Variants in SHISA9 observed in about 807,000 individuals in gnomAD.
The protein encoded by SHISA9 is shisa family member 9.
A neutral mutation model predicts 38.0 loss-of-function variants in SHISA9; 13 were observed. The observed-to-expected ratio is 0.34, with a 90% confidence interval of 0.22 to 0.54. The LOEUF is 0.54. Ranked by LOEUF, SHISA9 falls within the 20% of genes least tolerant of loss-of-function variation. The pLI is 0.91. For synonymous variants in SHISA9, 275 were observed against 242.0 expected, an observed-to-expected ratio of 1.14 and a Z score of -1.27; for missense variants, 538 against 575.8, an observed-to-expected ratio of 0.93 and a Z score of 0.67.
intron 2 of SHISA9, among the ~76,000 whole-genome samples, chr16:13,039,485 G>GTTTTT (rs5815735): frequency 3.9e-5 from 5 of 126,822 alleles, no homozygotes; most frequent in Non-Finnish European, 8.4e-5. Flanking sequence ...ATGTCATGGG[G>GTTTTT]TTTTTTTTTT....
At chr16:13,207,687 TGA>T (rs781495714) in intron 3 of SHISA9, among the ~76,000 whole-genome samples, 2 of 152,176 alleles carry the variant, frequency 1.3e-5, no homozygotes, top group African/African-American at 4.8e-5. Context: ...AGGAGCAGAC[TGA>T]GGGATTGCTT....
intron 2 of SHISA9, among the ~76,000 whole-genome samples, chr16:13,135,981 G>A (rs923350032): frequency 6.6e-6 from 1 of 152,164 alleles, no homozygotes; most frequent in Non-Finnish European, 1.5e-5. Flanking sequence ...TGAGAGTTCT[G>A]GGCCAGGAAT....
intron 2 of SHISA9, among the ~76,000 whole-genome samples, chr16:13,153,415 C>G (rs892507822): frequency 1.3e-5 from 2 of 152,176 alleles, no homozygotes; most frequent in African/African-American, 4.8e-5. Context: ...GTTCCAAGGC[C>G]TAGCTCAGAG....
the SHISA9 span, among the ~76,000 whole-genome samples, chr16:13,327,082 A>G: frequency 6.6e-6 from 1 of 152,124 alleles, no homozygotes; most frequent in Non-Finnish European, 1.5e-5. Context: ...GTGTTTACCA[A>G]TTTTTAAAAG....
chr16:13,109,924 T>C (rs1008549966), intron 2 of SHISA9, among the ~76,000 whole-genome samples: 11 of 152,230 alleles, frequency 7.2e-5, no homozygotes, highest in African/African-American at 2.7e-4. Context: ...GGAGCTCTTT[T>C]TAATGCTGAG....
Position 13,235,251 on chromosome 16 carries a change from C to A in SHISA9, c.1117C>A (p.Pro373Thr). 6.4e-7 allele frequency: 1 copy of A among 1,551,750 alleles called. No homozygotes were observed. Among genetic ancestry groups the A allele is most frequent in the African/African-American group, 1.4e-5 (1 of 73,138 alleles). The change falls in exon 5 of 5, where the codon CCC (proline) becomes ACC (threonine). Residue 373 changes from proline (P) to threonine (T), a missense_variant. By Grantham distance (38) the Pro-to-Thr change is conservative (BLOSUM62 -1). Coordinates refer to ENST00000558583, the MANE Select transcript of SHISA9 (RefSeq NM_001145204.3). ...TACCACCAACTTTAAGGGCTGGGAC[C>A]CCAACGAGCAGTCCCTCCGGCGGCA... is the stretch of plus-strand genomic sequence containing the variant. ...TSTTNFKGWD[P>T]NEQSLRRQAY...
At chr16:13,208,603 C>T (rs544535285) in intron 3 of SHISA9, among the ~76,000 whole-genome samples, 7 of 152,058 alleles carry the variant, frequency 4.6e-5, no homozygotes, top group Non-Finnish European at 1.0e-4. Flanking sequence ...CATGTAACTG[C>T]AGAATGGTTT....
the SHISA9 span, among the ~76,000 whole-genome samples, chr16:13,264,789 C>A: frequency 2.6e-4 from 39 of 152,030 alleles, no homozygotes; most frequent in African/African-American, 9.4e-4. Flanking sequence ...AGAATTCACC[C>A]CAATATAAGA....
chr16:13,520,385 G>A, the SHISA9 span, among the ~76,000 whole-genome samples: 1 of 151,898 alleles, frequency 6.6e-6, no homozygotes, highest in Non-Finnish European at 1.5e-5. Context: ...AGATCACGAG[G>A]TTGAGAGATC....
chr16:13,202,331 C>A (rs993195130), intron 2 of SHISA9, among the ~76,000 whole-genome samples: 3 of 131,548 alleles, frequency 2.3e-5, no homozygotes, highest in African/African-American at 9.1e-5. Flanking sequence ...TCCCTCATAT[C>A]TTCCACCTTC....
At chr16:13,370,573 T>C in the SHISA9 span, among the ~76,000 whole-genome samples, 1,207 of 152,316 alleles carry the variant, frequency 7.9e-3, 8 homozygotes, top group Non-Finnish European at 0.013. Context: ...ACAAAACAGT[T>C]TATAATTATC....
chr16:13,252,010 C>T, the SHISA9 span, among the ~76,000 whole-genome samples: 1 of 152,330 alleles, frequency 6.6e-6, no homozygotes, highest in Non-Finnish European at 1.5e-5. Context: ...AATTCTGCAA[C>T]AATGCATAGT....
At chr16:13,143,514 A>G (rs971891754) in intron 2 of SHISA9, among the ~76,000 whole-genome samples, 2 of 152,152 alleles carry the variant, frequency 1.3e-5, no homozygotes, top group South Asian at 4.1e-4. Context: ...CCCTATGGGA[A>G]GCTGTACTGT....
chr16:13,435,225 AT>A, the SHISA9 span, among the ~76,000 whole-genome samples: 1 of 140,668 alleles, frequency 7.1e-6, no homozygotes, highest in East Asian at 2.1e-4. Flanking sequence ...CATTCTTAGA[AT>A]CTTTTTTTTT....
the SHISA9 span, among the ~76,000 whole-genome samples, chr16:13,449,270 G>A: frequency 2.0e-5 from 3 of 152,054 alleles, no homozygotes; most frequent in African/African-American, 4.8e-5. Context: ...AATGTTCAAG[G>A]AATAGACCAA....
intron 2 of SHISA9, among the ~76,000 whole-genome samples, chr16:13,087,178 T>A (rs1342460918): frequency 7.2e-6 from 1 of 139,034 alleles, no homozygotes; most frequent in African/African-American, 2.7e-5. Context: ...TTTGGCTGCA[T>A]GGTATTCCAT....
intron 3 of SHISA9, among the ~76,000 whole-genome samples, chr16:13,211,684 A>G (rs1596736163): frequency 6.6e-6 from 1 of 152,320 alleles, no homozygotes; most frequent in East Asian, 1.9e-4. Flanking sequence ...TAAATGCCCT[A>G]TTGTCAATGA....
At chr16:13,002,681 C>T (rs1371864848) in intron 2 of SHISA9, among the ~76,000 whole-genome samples, 16 of 151,686 alleles carry the variant, frequency 1.1e-4, no homozygotes, top group Admixed American at 8.5e-4. Context: ...TACAGATGCG[C>T]ACCACCGCAC....
intron 2 of SHISA9, among the ~76,000 whole-genome samples, chr16:12,934,209 G>T (rs1245092284): frequency 2.0e-5 from 3 of 152,188 alleles, no homozygotes; most frequent in Non-Finnish European, 2.9e-5. Flanking sequence ...AACAAAGTAA[G>T]ATACTGATTA....
Sources: gnomAD v4.1 joint callset for allele counts (sites outside exome capture counted in the v4.1 genomes callset) on GRCh38, gnomAD v4.1.1 for gene constraint, MANE v1.5 for transcripts, NCBI Gene and HGNC (gene_info 2026-07-23, HGNC 2026-07-21) for gene names.